Variants in TENM3 observed in about 807,000 individuals in gnomAD.
TENM3 encodes the protein teneurin-3.
A neutral mutation model predicts 255.1 loss-of-function variants in TENM3; 63 were observed. The observed-to-expected ratio is 0.25, with a 90% CI of 0.20 to 0.30. The LOEUF (loss-of-function observed/expected upper bound fraction) is 0.30, where lower values mean the gene tolerates loss of function less well. TENM3 is among the 10% of genes least tolerant of loss of function. TENM3 has a pLI of 1.00. For missense variants in TENM3, 2,929 were observed against 3,461.1 expected (o/e 0.85, Z 3.86); for synonymous variants, 1,306 against 1,322.3 (o/e 0.99, Z 0.27).
At chr4:182,446,794 A>G (rs1453250335) in intron 3 of TENM3, among the ~76,000 whole-genome samples, 1 of 152,124 alleles carries the variant, frequency 6.6e-6, no homozygotes. Flanking sequence ...TGTTCTGCCA[A>G]TTTAATTCTT....
At chr4:181,460,234 A>G in the TENM3 span, among the ~76,000 whole-genome samples, 1 of 152,036 alleles carries the variant, frequency 6.6e-6, no homozygotes, top group Non-Finnish European at 1.5e-5. Flanking sequence ...GGAAAAGTGA[A>G]TAGACAACTT....
At chr4:182,450,491 T>TA (rs1456486766) in intron 3 of TENM3, among the ~76,000 whole-genome samples, 4 of 152,212 alleles carry the variant, frequency 2.6e-5, no homozygotes, top group African/African-American at 7.2e-5. Context: ...TATAAGAGGT[T>TA]AAAAAACTTG....
intron 3 of TENM3, among the ~76,000 whole-genome samples, chr4:182,496,087 G>A (rs1735747044): frequency 6.6e-6 from 1 of 152,114 alleles, no homozygotes; most frequent in African/African-American, 2.4e-5. Context: ...AATTTATTCA[G>A]CATTTTCTTA....
intron 3 of TENM3, among the ~76,000 whole-genome samples, chr4:182,493,041 A>C (rs1190917882): frequency 6.6e-6 from 1 of 152,168 alleles, no homozygotes; most frequent in Non-Finnish European, 1.5e-5. Flanking sequence ...TTCCATCTTA[A>C]GAAGGACAAT....
At position 182,754,215 on chromosome 4, in the gene TENM3, ATCTT is replaced by A. The variant is rs1762563648; in HGVS notation, c.4018-169_4018-166del. ...AAATAAAGTGTTATTTCCTGTATCT[ATCTT>A]CATTCATTACTTTTTGGTTTATTTT... On this transcript the variant is annotated intron_variant, in intron 21 of 27. Transcript: ENST00000511685. The surrounding 1 kb of genome is among the most constrained non-coding windows in gnomAD (Gnocchi z 5.1). Among the ~76,000 whole-genome samples the A allele has an allele frequency of 1.3e-5, 2 of 152,154 alleles. No individual in the cohort carries two copies. Among genetic ancestry groups the A allele is most frequent in the Non-Finnish European group, 2.9e-5 (2 of 68,020 alleles).
At chr4:182,140,885 G>A (rs1396951558), upstream of TENM3, among the ~76,000 whole-genome samples, 2 of 152,208 alleles carry the variant, frequency 1.3e-5, no homozygotes, top group African/African-American at 2.4e-5. Flanking sequence ...GCGGGGAGGC[G>A]GTGGAGCAGC....
At chr4:182,230,131 A>G (rs78972261) in intron 1 of TENM3, among the ~76,000 whole-genome samples, 2 of 39,914 alleles carry the variant, frequency 5.0e-5, no homozygotes, top group South Asian at 1.5e-3. Context: ...TGCTACTAAA[A>G]AAAAAAAAAA....
chr4:182,335,634 C>T (rs7668966), intron 2 of TENM3, among the ~76,000 whole-genome samples: 130,632 of 151,626 alleles, frequency 0.86, 56,516 homozygotes, highest in South Asian at 0.93. Flanking sequence ...AGAAATTTTG[C>T]AATAGAAAAT....
At chr4:182,268,926 G>C (rs1240514159) in intron 1 of TENM3, among the ~76,000 whole-genome samples, 2 of 152,138 alleles carry the variant, frequency 1.3e-5, no homozygotes, top group Non-Finnish European at 2.9e-5. Flanking sequence ...TAAGTTTGCT[G>C]TCACTTTGGA....
At chr4:182,790,725 G>C (rs1052748625) in intron 25 of TENM3, among the ~76,000 whole-genome samples, 1 of 152,182 alleles carries the variant, frequency 6.6e-6, no homozygotes, top group Non-Finnish European at 1.5e-5. Context: ...TCATGGCTTC[G>C]TTCTGGAGCA....
the TENM3 span, among the ~76,000 whole-genome samples, chr4:181,566,894 A>G: frequency 6.6e-6 from 1 of 152,242 alleles, no homozygotes; most frequent in East Asian, 1.9e-4. Flanking sequence ...GAAGCTGCCT[A>G]AGACCAGCCC....
In TENM3 at chr4:182,792,276, C is replaced by A; in HGVS notation, c.5604C>A (p.Ser1868=). Residue 1868 remains serine (S), a splice_region_variant and synonymous_variant, in exon 26 of 28, where the codon TCC becomes TCA. Coordinates refer to ENST00000511685, the MANE Select transcript of TENM3 (RefSeq NM_001080477.4). The surrounding 1 kb of genome is among the most constrained non-coding windows in gnomAD (Gnocchi z 6.3). Reference sequence around the variant, plus strand: ...AACAGTATGTTCTCTCTTTACAGTCCATGGTTCTTCTGCTTCATAGCCAGC... The same window carrying A: ...AACAGTATGTTCTCTCTTTACAGTCAATGGTTCTTCTGCTTCATAGCCAGC... The part of the protein sequence containing the change: ...KTWSYTYLEK[S]MVLLLHSQRQ... 1 of 1,612,774 alleles carries A rather than the reference C, an allele frequency of 6.2e-7. No homozygotes were observed. Among genetic ancestry groups the A allele is most frequent in the Non-Finnish European group, 8.5e-7 (1 of 1,178,962 alleles).
At chr4:181,635,104 CATTA>C in the TENM3 span, among the ~76,000 whole-genome samples, 1 of 152,090 alleles carries the variant, frequency 6.6e-6, no homozygotes, top group Admixed American at 6.6e-5. Flanking sequence ...GAGTAAGTCA[CATTA>C]ATTCTAATGG....
intron 1 of TENM3, among the ~76,000 whole-genome samples, chr4:182,174,562 C>T (rs1367784297): frequency 6.7e-6 from 1 of 149,956 alleles, no homozygotes; most frequent in Non-Finnish European, 1.5e-5. Context: ...AGGTTATGCC[C>T]CTTAAGCTCA....
chr4:182,181,401 C>T (rs996726101), intron 1 of TENM3, among the ~76,000 whole-genome samples: 3 of 152,194 alleles, frequency 2.0e-5, no homozygotes, highest in African/African-American at 7.2e-5. Context: ...TAGTTGTTTT[C>T]CTCTTTTTAA....
chr4:182,783,638 T>C (rs1259006626), intron 24 of TENM3, among the ~76,000 whole-genome samples: 1 of 151,864 alleles, frequency 6.6e-6, no homozygotes, highest in East Asian at 1.9e-4. Context: ...CTGGATAATA[T>C]CCTGCAGAGT....
the TENM3 span, among the ~76,000 whole-genome samples, chr4:181,864,383 G>T: frequency 6.6e-6 from 1 of 151,864 alleles, no homozygotes; most frequent in African/African-American, 2.4e-5. Flanking sequence ...TTTTCACCCC[G>T]TCTACTTGGG....
intron 3 of TENM3, among the ~76,000 whole-genome samples, chr4:182,494,921 A>G (rs910615420): frequency 2.6e-5 from 4 of 152,202 alleles, no homozygotes; most frequent in East Asian, 1.9e-4. Context: ...TCACATGGGA[A>G]GTACTATTGG....
chr4:181,487,346 G>T, the TENM3 span, among the ~76,000 whole-genome samples: 1 of 152,116 alleles, frequency 6.6e-6, no homozygotes, highest in African/African-American at 2.4e-5. Flanking sequence ...GTGCGTTTGG[G>T]CTGTTGAAAC....
Sources: allele counts gnomAD v4.1 joint callset (sites outside exome capture counted in the v4.1 genomes callset), GRCh38; gene constraint gnomAD v4.1.1; non-coding constraint Gnocchi (gnomAD v3.1); transcripts MANE v1.5; gene names NCBI Gene and HGNC (gene_info 2026-07-23, HGNC 2026-07-21).